CMIP: variants seen among roughly 807,000 people sequenced by gnomAD.
CMIP encodes the protein c-Maf inducing protein, also known as C-Maf-inducing protein.
CMIP carries 13 observed loss-of-function variants against 97.3 expected under a neutral mutation model. The ratio of observed to expected loss-of-function variants is 0.13; its 90% CI spans 0.09 to 0.21. The LOEUF (loss-of-function observed/expected upper bound fraction) is 0.21, where lower values mean the gene tolerates loss of function less well. CMIP is among the 10% of genes least tolerant of loss of function. The probability of loss-of-function intolerance (pLI) is 1.00; values close to 1 mark genes in which losing one functional copy is unlikely to be tolerated. For synonymous variants in CMIP, 538 were observed against 436.3 expected, an observed-to-expected ratio of 1.23 and a Z score of -2.91; for missense variants, 847 against 1,024.9, an observed-to-expected ratio of 0.83 and a Z score of 2.37.
intron 1 of CMIP, among the ~76,000 whole-genome samples, chr16:81,504,717 T>G (rs2089676239): frequency 6.6e-6 from 1 of 150,912 alleles, no homozygotes. Context: ...CTGTGCTGTG[T>G]GTGCTCCACG....
intron 1 of CMIP, among the ~76,000 whole-genome samples, chr16:81,452,072 G>C (rs1906252906): frequency 6.6e-6 from 1 of 152,204 alleles, no homozygotes; most frequent in Non-Finnish European, 1.5e-5. Context: ...AAATATTTCT[G>C]GTGCTGAAAT....
Position 81,661,947 on chromosome 16 carries a change from G to T in CMIP, c.744+1001G>T, listed in dbSNP as rs1340949590. Among the ~76,000 whole-genome samples the T allele has an allele frequency of 2.0e-5, 3 of 152,140 alleles. No homozygotes were observed. The East Asian group carries it at 5.8e-4, about 29-fold the overall frequency. ...AATGACCCCCACCCCCATCCTTAAT[G>T]TGGGCATGTGCAATGTGTGCCCCCT... On this transcript the variant is annotated intron_variant, in intron 6 of 20. Transcript: ENST00000537098.
intron 1 of CMIP, among the ~76,000 whole-genome samples, chr16:81,583,063 A>G (rs12925388): frequency 0.39 from 59,247 of 152,076 alleles, 14,384 homozygotes; most frequent in Non-Finnish European, 0.53. Context: ...ATCTAAAATT[A>G]TTTAAATTTC....
At chr16:81,589,462 G>T (rs947735853) in intron 1 of CMIP, among the ~76,000 whole-genome samples, 10 of 151,138 alleles carry the variant, frequency 6.6e-5, no homozygotes, top group African/African-American at 2.2e-4. Context: ...AAGCACAGTA[G>T]AAACATATAT....
At position 81,493,760 on chromosome 16, in the gene CMIP, A is replaced by G. The variant is rs530177611; in HGVS notation, c.300+48219A>G. On this transcript the variant is annotated intron_variant, in intron 1 of 20. Transcript: ENST00000537098. ...ACACGAAGCAACACGCACGTCGCAG[A>G]ACCCACAGCTGAGGAGACCAGAGCT... 3.9e-5 allele frequency among the ~76,000 whole-genome samples: 6 copies of G among 152,372 alleles called. No homozygotes were observed. The South Asian group carries it at 1.2e-3, about 32-fold the overall frequency.
intron 10 of CMIP, among the ~76,000 whole-genome samples, chr16:81,686,109 C>G (rs933570871): frequency 1.4e-4 from 22 of 152,312 alleles, no homozygotes; most frequent in African/African-American, 5.1e-4. Context: ...GGGAGAGTTG[C>G]ATGGGCTGAC....
intron 1 of CMIP, among the ~76,000 whole-genome samples, chr16:81,590,276 A>G (rs770236399): frequency 1.3e-5 from 2 of 151,494 alleles, no homozygotes; most frequent in Admixed American, 6.6e-5. Context: ...CTTCGTCTCA[A>G]CCTCTTTTCC....
intron 10 of CMIP, among the ~76,000 whole-genome samples, chr16:81,688,825 C>G (rs1337122471): frequency 6.6e-6 from 1 of 152,182 alleles, no homozygotes; most frequent in African/African-American, 2.4e-5. Flanking sequence ...AACCCCACAA[C>G]AGGCCCCGGT....
intron 4 of CMIP, among the ~76,000 whole-genome samples, chr16:81,656,669 G>A (rs963313638): frequency 5.3e-5 from 8 of 152,148 alleles, no homozygotes; most frequent in Admixed American, 2.6e-4. Flanking sequence ...AGACAGTCTC[G>A]CTCTGTCGCC....
intron 1 of CMIP, among the ~76,000 whole-genome samples, chr16:81,589,211 G>A (rs965516517): frequency 2.0e-5 from 3 of 151,824 alleles, no homozygotes; most frequent in African/African-American, 4.8e-5. Context: ...ATTCTCCTGC[G>A]TCAGCTTCCC....
chr16:81,659,966 T>C (rs1304154976), intron 5 of CMIP, among the ~76,000 whole-genome samples: 3 of 152,242 alleles, frequency 2.0e-5, no homozygotes, highest in African/African-American at 2.4e-5. Flanking sequence ...ATTTGCCCTA[T>C]TGGCAATTAG....
intron 1 of CMIP, among the ~76,000 whole-genome samples, chr16:81,505,231 A>T (rs1374151050): frequency 6.6e-6 from 1 of 152,226 alleles, no homozygotes; most frequent in Non-Finnish European, 1.5e-5. Flanking sequence ...GGCCAGCACA[A>T]GTCACGTAGC....
At chr16:81,692,544 C>T (rs189869724) in intron 11 of CMIP, among the ~76,000 whole-genome samples, 2 of 152,346 alleles carry the variant, frequency 1.3e-5, no homozygotes, top group East Asian at 1.9e-4. Flanking sequence ...GAGCCGATTA[C>T]CAAGCGTGTT....
intron 3 of CMIP, among the ~76,000 whole-genome samples, chr16:81,634,611 G>A (rs2092210269): frequency 6.6e-6 from 1 of 152,194 alleles, no homozygotes; most frequent in Admixed American, 6.5e-5. Context: ...TGTCTGAGGA[G>A]CCGCCTCCCC....
intron 1 of CMIP, among the ~76,000 whole-genome samples, chr16:81,499,747 C>T (rs80215273): frequency 0.014 from 2,155 of 152,336 alleles, 52 homozygotes; most frequent in African/African-American, 0.05. Flanking sequence ...GTCCTTTACC[C>T]CTCCTTTACC....
rs1567590270 is a variant in CMIP, at chr16:81,577,969, T to TGC, written c.301-29598_301-29597insGC. Among the ~76,000 whole-genome samples the TGC allele has an allele frequency of 1.0e-3, 119 of 119,116 alleles. 2 individuals are homozygous for TGC. Among genetic ancestry groups the TGC allele is most frequent in the Middle Eastern group, 9.9e-3 (2 of 202 alleles). 78.1% of individuals were successfully genotyped at this position (119,116 alleles called of 152,430 possible). ...CACCATCATCCCCATTACCACTACA[T>TGC]TATTATCACTATCACCATCACCATC... On this transcript the variant is annotated intron_variant, in intron 1 of 20. Transcript: ENST00000537098.
chr16:81,495,303 C>T lies in CMIP; in HGVS notation c.300+49762C>T, dbSNP rs556390523. 3.4e-5 allele frequency: 49 copies of T among 1,436,936 alleles called. No individual in the cohort carries two copies. In the East Asian group the frequency reaches 1.2e-3, roughly 34 times the overall value. The allele number at this position is 1,436,936 out of a possible 1,614,324, so 89.0% of individuals were successfully genotyped here. A position where few individuals can be genotyped will look rare whatever the true frequency, so the allele number is the denominator to read the frequency against. ...GAGGATGAACCCTCTGGGGCGGGGC[C>T]CTGGGCAGGCTGGTTCAGTGATAAG... On this transcript the variant is annotated intron_variant, in intron 1 of 20. Coordinates refer to ENST00000537098, the MANE Select transcript of CMIP (RefSeq NM_198390.3).
intron 1 of CMIP, among the ~76,000 whole-genome samples, chr16:81,471,059 G>A (rs1244474218): frequency 6.6e-6 from 1 of 151,856 alleles, no homozygotes; most frequent in African/African-American, 2.4e-5. Context: ...GGCACAATGC[G>A]TGCATACAAA....
intron 1 of CMIP, among the ~76,000 whole-genome samples, chr16:81,576,073 T>C (rs1406214868): frequency 6.6e-6 from 1 of 152,154 alleles, no homozygotes; most frequent in Admixed American, 6.5e-5. Flanking sequence ...CTGAGATATC[T>C]TGTAAGATAC....
Sources: allele counts gnomAD v4.1 joint callset (sites outside exome capture counted in the v4.1 genomes callset), GRCh38; gene constraint gnomAD v4.1.1; transcripts MANE v1.5; gene names NCBI Gene and HGNC (gene_info 2026-07-23, HGNC 2026-07-21).